The following CAPN14 variants were observed in gnomAD, a reference collection of about 807,000 sequenced individuals.
The protein encoded by CAPN14 is calpain 14.
Under a neutral mutation model 101.3 loss-of-function variants are expected in CAPN14, and 94 were observed. That is an observed-to-expected ratio of 0.93 (90% CI 0.79 to 1.10). The LOEUF is 1.10. Among genes scored for constraint, CAPN14 ranks in the 50% least tolerant of loss-of-function variants. CAPN14 has a pLI of 0.00. For missense variants in CAPN14, 837 were observed against 828.4 expected (o/e 1.01, Z -0.13); for synonymous variants, 338 against 317.9 (o/e 1.06, Z -0.67).
intron 7 of CAPN14, among the ~76,000 whole-genome samples, chr2:31,198,411 G>A (rs1307620217): frequency 6.6e-6 from 1 of 152,168 alleles, no homozygotes; most frequent in African/African-American, 2.4e-5. Context: ...TGTTACAGGC[G>A]CACATCCTCA....
At chr2:31,223,564 G>A (rs1387363805) in intron 2 of CAPN14, among the ~76,000 whole-genome samples, 3 of 128,238 alleles carry the variant, frequency 2.3e-5, no homozygotes, top group Non-Finnish European at 4.7e-5. Flanking sequence ...TTTTTGAGAT[G>A]GAGTCCCAGG....
At chr2:31,229,014 C>T (rs574717534) in intron 1 of CAPN14, among the ~76,000 whole-genome samples, 114 of 152,252 alleles carry the variant, frequency 7.5e-4, no homozygotes, top group African/African-American at 2.4e-3. Flanking sequence ...ATGTTGAATG[C>T]AAGAAAAGTC....
intron 16 of CAPN14, among the ~76,000 whole-genome samples, chr2:31,182,786 A>C (rs1201390945): frequency 6.6e-6 from 1 of 151,788 alleles, no homozygotes; most frequent in Non-Finnish European, 1.5e-5. Context: ...ATTCAATGCC[A>C]TCCCCATCAA....
At chr2:31,177,212 C>T (rs1292354869) in intron 19 of CAPN14, 70 bp from the exon 20 acceptor site, 2 of 999,232 alleles carry the variant, frequency 2.0e-6, no homozygotes, top group Admixed American at 4.6e-5. Context: ...GCTCAAGGCC[C>T]CTTCAAATGT....
At chr2:31,186,249 T>C (rs10445909) in intron 16 of CAPN14, among the ~76,000 whole-genome samples, 179 bp downstream of exon 16, 50,821 of 152,094 alleles carry the variant, frequency 0.33, 10,075 homozygotes, top group African/African-American at 0.55. Context: ...ATTTTCAAAG[T>C]TGTATAAATT....
chr2:31,227,224 T>C (rs1187968149), intron 1 of CAPN14, among the ~76,000 whole-genome samples: 1 of 152,200 alleles, frequency 6.6e-6, no homozygotes. Flanking sequence ...CGTGTAATAT[T>C]GGATTTCTCA....
intron 9 of CAPN14, 38 bp downstream of exon 9, chr2:31,194,371 T>G (rs761271045): frequency 1.2e-5 from 18 of 1,489,302 alleles, no homozygotes; most frequent in South Asian, 6.0e-5. Flanking sequence ...TTTTCAAATG[T>G]AGGCCAGGAC....
chr2:31,194,535 T>C, intron 8 of CAPN14, 52 bp from the exon 9 acceptor site: 1 of 1,226,298 alleles, frequency 8.2e-7, no homozygotes, highest in Non-Finnish European at 1.2e-6. Context: ...CTAGAAATTC[T>C]TTAGTAAAGG....
At chr2:31,210,551 T>G (rs1375111726) in intron 1 of CAPN14, among the ~76,000 whole-genome samples, 2 of 152,242 alleles carry the variant, frequency 1.3e-5, no homozygotes, top group African/African-American at 4.8e-5. Context: ...TCAGGAGAAT[T>G]AGTTTTCACT....
chr2:31,214,323 G>A (rs1682537576), intron 1 of CAPN14, among the ~76,000 whole-genome samples: 1 of 152,150 alleles, frequency 6.6e-6, no homozygotes, highest in Admixed American at 6.5e-5. Flanking sequence ...CAATCACTTG[G>A]CTGCTCCTCT....
intron 8 of CAPN14, among the ~76,000 whole-genome samples, chr2:31,196,559 C>T (rs1033089605): frequency 1.7e-4 from 26 of 151,292 alleles, no homozygotes; most frequent in African/African-American, 6.1e-4. Context: ...TATATGGACA[C>T]GTTTGTAGAC....
At chr2:31,208,336 C>A (rs1040647236) in intron 1 of CAPN14, among the ~76,000 whole-genome samples, 3 of 152,142 alleles carry the variant, frequency 2.0e-5, no homozygotes, top group Non-Finnish European at 4.4e-5. Context: ...CCCCTTCAAG[C>A]CTTTACAACA....
At chr2:31,179,561 T>C (rs147189994) in intron 17 of CAPN14, among the ~76,000 whole-genome samples, 1 of 152,338 alleles carries the variant, frequency 6.6e-6, no homozygotes, top group East Asian at 1.9e-4. Context: ...AGAAGCATGA[T>C]TTATAATCCT....
At chr2:31,199,411 G>A in intron 7 of CAPN14, 59 bp downstream of exon 7, 2 of 1,369,080 alleles carry the variant, frequency 1.5e-6, no homozygotes, top group Admixed American at 4.0e-5. Context: ...AGATAAGCTA[G>A]GGTCCAGAGA....
intron 16 of CAPN14, among the ~76,000 whole-genome samples, chr2:31,183,033 T>A (rs137949197): frequency 0.33 from 50,618 of 151,994 alleles, 10,028 homozygotes; most frequent in African/African-American, 0.55. Context: ...ATAACGCCGC[T>A]TGTCTATAAC....
chr2:31,201,219 GTC>G (rs1443228602), intron 5 of CAPN14, among the ~76,000 whole-genome samples: 24 of 151,572 alleles, frequency 1.6e-4, no homozygotes, highest in African/African-American at 5.6e-4. Flanking sequence ...GCATGTGTGT[GTC>G]TGTGTTTGCG....
At chr2:31,221,356 T>A (rs970582422), upstream of CAPN14, among the ~76,000 whole-genome samples, 1 of 152,202 alleles carries the variant, frequency 6.6e-6, no homozygotes, top group African/African-American at 2.4e-5. Context: ...GCAAGGCAGG[T>A]ACAGTGCATG....
chr2:31,229,098 T>C (rs573364102), intron 1 of CAPN14, among the ~76,000 whole-genome samples: 57 of 152,304 alleles, frequency 3.7e-4, no homozygotes, highest in African/African-American at 1.3e-3. Flanking sequence ...TTCAACAATA[T>C]GTTCTTTTGG....
intron 1 of CAPN14, among the ~76,000 whole-genome samples, chr2:31,228,678 T>C (rs1368208123): frequency 6.6e-6 from 1 of 152,220 alleles, no homozygotes; most frequent in Non-Finnish European, 1.5e-5. Flanking sequence ...ATGTAGTGGA[T>C]AAAAGTAATA....
Sources: allele counts gnomAD v4.1 joint callset (sites outside exome capture counted in the v4.1 genomes callset), GRCh38; gene constraint gnomAD v4.1.1; transcripts MANE v1.5; gene names NCBI Gene and HGNC (gene_info 2026-07-23, HGNC 2026-07-21).